Variants in ABCG2 observed in about 807,000 individuals in gnomAD.
ABCG2 encodes broad substrate specificity ATP-binding cassette transporter ABCG2.
Under a neutral mutation model 73.5 loss-of-function variants are expected in ABCG2, and 80 were observed. That is an observed-to-expected ratio of 1.09 (90% CI 0.91 to 1.31). The LOEUF is 1.31. Among genes scored for constraint, ABCG2 ranks in the 50% most tolerant of loss-of-function variants. The probability of loss-of-function intolerance (pLI) is 0.00; values close to 1 mark genes in which losing one functional copy is unlikely to be tolerated. For synonymous variants in ABCG2, 269 were observed against 282.4 expected (o/e 0.95, Z 0.48); for missense variants, 796 against 786.2 (o/e 1.01, Z -0.15).
At chr4:88,179,068 GGT>G (rs1728121860) in intron 1 of ABCG2, among the ~76,000 whole-genome samples, 1 of 150,474 alleles carries the variant, frequency 6.6e-6, no homozygotes, top group African/African-American at 2.4e-5. Flanking sequence ...GACAGGCAGT[GGT>G]TACCATGGGC....
intron 1 of ABCG2, among the ~76,000 whole-genome samples, chr4:88,230,476 G>T (rs930645456): frequency 1.3e-5 from 2 of 151,636 alleles, no homozygotes; most frequent in Non-Finnish European, 2.9e-5. Flanking sequence ...AATTACAAAA[G>T]GATTTCTGGC....
intron 1 of ABCG2, among the ~76,000 whole-genome samples, chr4:88,207,992 T>C (rs1203260420): frequency 6.6e-6 from 1 of 152,252 alleles, no homozygotes; most frequent in Non-Finnish European, 1.5e-5. Flanking sequence ...TTCTTAGGGC[T>C]GTAAATTCAG....
intron 1 of ABCG2, among the ~76,000 whole-genome samples, chr4:88,230,149 C>T (rs988710339): frequency 6.7e-6 from 1 of 149,662 alleles, no homozygotes; most frequent in East Asian, 2.0e-4. Context: ...TGTGACACCA[C>T]GCCCAGCTAA....
chr4:88,192,454 C>T (rs1197810050), intron 1 of ABCG2, among the ~76,000 whole-genome samples: 1 of 152,084 alleles, frequency 6.6e-6, no homozygotes, highest in African/African-American at 2.4e-5. Context: ...CGCTCCATCG[C>T]CCAGGCCCAG....
At chr4:88,140,332 C>T (rs1045696065) in intron 1 of ABCG2, among the ~76,000 whole-genome samples, 7 of 152,144 alleles carry the variant, frequency 4.6e-5, no homozygotes, top group South Asian at 2.1e-4. Flanking sequence ...GAGGGTTAGA[C>T]TTGTCTGGCT....
At chr4:88,194,660 A>T (rs1001403805) in intron 1 of ABCG2, among the ~76,000 whole-genome samples, 1 of 151,942 alleles carries the variant, frequency 6.6e-6, no homozygotes, top group African/African-American at 2.4e-5. Flanking sequence ...AACATGAAAT[A>T]AATAAATGTC....
At chr4:88,221,605 G>C (rs150747301) in intron 1 of ABCG2, among the ~76,000 whole-genome samples, 10,086 of 152,246 alleles carry the variant, frequency 0.066, 428 homozygotes, top group Non-Finnish European at 0.1. Flanking sequence ...GGACAATAAA[G>C]TGCAGGCTGA....
chr4:88,230,844 G>A (rs370673244), intron 1 of ABCG2: 1 of 152,184 alleles, frequency 6.6e-6, no homozygotes, highest in East Asian at 1.9e-4. Context: ...CAGAGCCTGC[G>A]TTTCAGCAAG....
upstream of ABCG2, among the ~76,000 whole-genome samples, chr4:88,160,042 A>T (rs1448519435): frequency 6.6e-6 from 1 of 152,124 alleles, no homozygotes; most frequent in Non-Finnish European, 1.5e-5. Flanking sequence ...CAGGAGTTCG[A>T]GACCAGCCTG....
chr4:88,207,175 A>T (rs1015064498), intron 1 of ABCG2, among the ~76,000 whole-genome samples: 6 of 152,242 alleles, frequency 3.9e-5, no homozygotes, highest in Non-Finnish European at 8.8e-5. Flanking sequence ...AATCCAATGG[A>T]GAAATCTCTA....
At chr4:88,160,117 T>C (rs550926011), upstream of ABCG2, among the ~76,000 whole-genome samples, 232 of 151,868 alleles carry the variant, frequency 1.5e-3, 3 homozygotes, top group Middle Eastern at 0.017. Flanking sequence ...GTGGCGAGGC[T>C]GTAATCCCAG....
At chr4:88,223,180 G>A (rs1182177431) in intron 1 of ABCG2, among the ~76,000 whole-genome samples, 1 of 152,180 alleles carries the variant, frequency 6.6e-6, no homozygotes, top group African/African-American at 2.4e-5. Flanking sequence ...ATAAGACTTA[G>A]GACTTGGACT....
At chr4:88,222,953 T>C (rs1238630180) in intron 1 of ABCG2, among the ~76,000 whole-genome samples, 1 of 152,180 alleles carries the variant, frequency 6.6e-6, no homozygotes, top group Non-Finnish European at 1.5e-5. Flanking sequence ...ATATGAGACA[T>C]GAAGTCAAAG....
At chr4:88,167,684 C>A (rs1018083886) in intron 1 of ABCG2, among the ~76,000 whole-genome samples, 4 of 151,954 alleles carry the variant, frequency 2.6e-5, no homozygotes, top group African/African-American at 9.7e-5. Flanking sequence ...GCTCTTTCTG[C>A]CTTTTAAAGG....
At chr4:88,147,303 G>T (rs17731799) in intron 1 of ABCG2, among the ~76,000 whole-genome samples, 65,025 of 151,832 alleles carry the variant, frequency 0.43, 14,603 homozygotes, top group East Asian at 0.67. Flanking sequence ...TCAAAAAAAC[G>T]TACCTAAACT....
intron 13 of ABCG2, 44 bp downstream of exon 13, chr4:88,097,409 G>A: frequency 6.3e-7 from 1 of 1,597,016 alleles, no homozygotes; most frequent in East Asian, 2.2e-5. Flanking sequence ...AGAAATGAAG[G>A]AAAAAAACAA....
chr4:88,176,966 C>T (rs1449726554), intron 1 of ABCG2, among the ~76,000 whole-genome samples: 4 of 151,820 alleles, frequency 2.6e-5, no homozygotes, highest in African/African-American at 9.7e-5. Context: ...ATAATGTCCA[C>T]GAACATTAGT....
At chr4:88,144,035 G>A (rs1725809099) in intron 1 of ABCG2, among the ~76,000 whole-genome samples, 1 of 152,150 alleles carries the variant, frequency 6.6e-6, no homozygotes, top group Non-Finnish European at 1.5e-5. Context: ...GGACATGTGT[G>A]CTGATCTCAT....
chr4:88,122,033 G>A (rs1346586278), intron 5 of ABCG2, among the ~76,000 whole-genome samples: 6 of 152,060 alleles, frequency 3.9e-5, no homozygotes, highest in Non-Finnish European at 8.8e-5. Context: ...CTTGGGTGAG[G>A]CTATGCCTCA....
Sources: gnomAD v4.1 joint callset for allele counts (sites outside exome capture counted in the v4.1 genomes callset) on GRCh38, gnomAD v4.1.1 for gene constraint, MANE v1.5 for transcripts, NCBI Gene and HGNC (gene_info 2026-07-23, HGNC 2026-07-21) for gene names.